Variants in TRABD2B observed in about 807,000 individuals in gnomAD.
TRABD2B encodes TraB domain containing 2B, also known as metalloprotease TIKI2.
Under a neutral mutation model 40.1 loss-of-function variants are expected in TRABD2B, and 14 were observed. The ratio of observed to expected loss-of-function variants is 0.35; its 90% confidence interval spans 0.23 to 0.55. The LOEUF (loss-of-function observed/expected upper bound fraction) is 0.55. Ranked by LOEUF, TRABD2B falls within the 20% of genes least tolerant of loss-of-function variation. The pLI is 0.90. For missense variants in TRABD2B, 541 were observed against 648.6 expected, an observed-to-expected ratio of 0.83 and a Z score of 1.80; for synonymous variants, 263 against 277.0, an observed-to-expected ratio of 0.95 and a Z score of 0.50.
Position 47,830,449 on chromosome 1 carries a change from G to A in TRABD2B, c.667-28830C>T, listed in dbSNP as rs561096660. Among the ~76,000 whole-genome samples, 16 of 152,362 alleles carry A rather than the reference G, an allele frequency of 1.1e-4. No homozygotes were observed. The South Asian group carries it at 3.3e-3, about 32-fold the overall frequency. ...AGAAAACCCACCAAGCTGGGAATCA[G>A]AAGGAACTGGGTTCTAGTCCCAGCT... On this transcript the variant is annotated intron_variant, in intron 2 of 6. Coordinates refer to ENST00000606738, the MANE Select transcript of TRABD2B (RefSeq NM_001194986.2).
intron 6 of TRABD2B, 47 bp downstream of exon 6, chr1:47,775,122 CG>C: frequency 8.1e-7 from 1 of 1,232,298 alleles, no homozygotes; most frequent in Non-Finnish European, 1.0e-6. Context: ...TATACTATCC[CG>C]GGTGCAGACG....
At chr1:47,877,133 CTT>C (rs1041208345) in intron 2 of TRABD2B, among the ~76,000 whole-genome samples, 2 of 149,512 alleles carry the variant, frequency 1.3e-5, no homozygotes, top group South Asian at 2.1e-4. Context: ...GAAAAGGACT[CTT>C]TGAGTTTGTG....
chr1:47,921,717 T>C (rs1028049586), intron 2 of TRABD2B, among the ~76,000 whole-genome samples: 2 of 152,196 alleles, frequency 1.3e-5, no homozygotes, highest in Middle Eastern at 3.2e-3. Flanking sequence ...TATGGATGTG[T>C]GCTATGTGTG....
chr1:47,863,372 T>TATATATATATATATATATATATATATATA (rs1644003823), intron 2 of TRABD2B, among the ~76,000 whole-genome samples: 5 of 66,494 alleles, frequency 7.5e-5, no homozygotes, highest in African/African-American at 1.1e-4. Flanking sequence ...CTATATAATT[T>TATATATATATATATATATATATATATATA]TATATATATA....
intron 2 of TRABD2B, among the ~76,000 whole-genome samples, chr1:47,967,341 AC>A (rs1645618547): frequency 1.6e-5 from 1 of 64,348 alleles, no homozygotes. Flanking sequence ...AAGAAAACAC[AC>A]ACACACACAC....
intron 2 of TRABD2B, among the ~76,000 whole-genome samples, chr1:47,948,803 C>T (rs990897479): frequency 2.0e-5 from 3 of 152,152 alleles, no homozygotes; most frequent in East Asian, 3.8e-4. Flanking sequence ...TAGTTCCTTA[C>T]ACCCGCCACT....
intron 2 of TRABD2B, among the ~76,000 whole-genome samples, chr1:47,988,725 A>G (rs1307819428): frequency 6.6e-6 from 1 of 152,234 alleles, no homozygotes; most frequent in Non-Finnish European, 1.5e-5. Flanking sequence ...GGAGATACGC[A>G]TCACAGAAGT....
chr1:47,820,771 G>A (rs1382852588), intron 2 of TRABD2B, among the ~76,000 whole-genome samples: 2 of 120,310 alleles, frequency 1.7e-5, no homozygotes, highest in East Asian at 2.5e-4. Flanking sequence ...ATACTGAGAA[G>A]TTCACACACA....
chr1:47,950,912 T>A (rs1645333263), intron 2 of TRABD2B, among the ~76,000 whole-genome samples: 1 of 152,244 alleles, frequency 6.6e-6, no homozygotes, highest in Non-Finnish European at 1.5e-5. Context: ...AGGGTACTGA[T>A]GCTCACCTGG....
At chr1:47,817,326 C>T (rs1226179542) in intron 2 of TRABD2B, among the ~76,000 whole-genome samples, 5 of 152,060 alleles carry the variant, frequency 3.3e-5, no homozygotes, top group African/African-American at 9.7e-5. Flanking sequence ...TGAACCAGAG[C>T]ACTCCCATCT....
chr1:47,799,722 G>A (rs1274192746), intron 3 of TRABD2B, among the ~76,000 whole-genome samples: 5 of 152,128 alleles, frequency 3.3e-5, no homozygotes, highest in Non-Finnish European at 7.4e-5. Flanking sequence ...ACTGGTGCAT[G>A]GTTTCCTCTG....
chr1:47,970,314 T>A (rs1645663210), intron 2 of TRABD2B, among the ~76,000 whole-genome samples: 1 of 152,010 alleles, frequency 6.6e-6, no homozygotes, highest in Non-Finnish European at 1.5e-5. Flanking sequence ...CCCTCTCCAT[T>A]TTAACCATTT....
intron 2 of TRABD2B, among the ~76,000 whole-genome samples, chr1:47,864,264 G>A (rs1223036625): frequency 6.6e-6 from 1 of 151,930 alleles, no homozygotes; most frequent in East Asian, 1.9e-4. Context: ...TTTGGGTGAT[G>A]TGTCAATGAG....
chr1:47,786,638 T>C (rs1183863743), intron 4 of TRABD2B, among the ~76,000 whole-genome samples: 1 of 152,224 alleles, frequency 6.6e-6, no homozygotes, highest in African/African-American at 2.4e-5. Context: ...AAGCTCCAGC[T>C]TGGGGAGGGT....
chr1:47,974,741 G>C (rs982023994), intron 2 of TRABD2B, among the ~76,000 whole-genome samples: 1 of 152,160 alleles, frequency 6.6e-6, no homozygotes, highest in African/African-American at 2.4e-5. Flanking sequence ...TTTCCAATGT[G>C]TGCAGTATGA....
rs889403072 is a variant in TRABD2B, at chr1:47,766,245, A to G, written c.1350-139T>C. On this transcript the variant is annotated intron_variant, in intron 6 of 6. Coordinates refer to ENST00000606738, the MANE Select transcript of TRABD2B (RefSeq NM_001194986.2). ...GGGAACAAGGAGCTTGAGCAGGCAA[A>G]CCGGGCAGCCCAGAGCCACACAACC... is the stretch of plus-strand genomic sequence containing the variant. 3 of 621,888 alleles carry G rather than the reference A, an allele frequency of 4.8e-6. No homozygotes were observed. The African/African-American group carries it at 5.5e-5, about 11-fold the overall frequency. The allele number at this position is 621,888 out of a possible 1,614,324, so 38.5% of individuals were successfully genotyped here. A position where few individuals can be genotyped will look rare whatever the true frequency, so the allele number is the denominator to read the frequency against.
intron 2 of TRABD2B, among the ~76,000 whole-genome samples, chr1:47,810,168 G>A (rs1031176841): frequency 4.2e-5 from 6 of 143,856 alleles, no homozygotes; most frequent in South Asian, 2.2e-4. Flanking sequence ...GCGCGCGCGC[G>A]CACGTGTGTG....
chr1:47,831,963 A>G (rs932889815), intron 2 of TRABD2B, among the ~76,000 whole-genome samples: 2 of 151,482 alleles, frequency 1.3e-5, no homozygotes, highest in East Asian at 1.9e-4. Context: ...CAGCAAAAAA[A>G]CTCCTATGGT....
At chr1:47,962,022 A>C (rs918385079) in intron 2 of TRABD2B, among the ~76,000 whole-genome samples, 29 of 152,350 alleles carry the variant, frequency 1.9e-4, no homozygotes, top group East Asian at 1.5e-3. Flanking sequence ...ACCATGGAAT[A>C]CTATGCAGCC....
Sources: gnomAD v4.1 joint callset for allele counts (sites outside exome capture counted in the v4.1 genomes callset) on GRCh38, gnomAD v4.1.1 for gene constraint, MANE v1.5 for transcripts, NCBI Gene and HGNC (gene_info 2026-07-23, HGNC 2026-07-21) for gene names.